The following CNTN5 variants were observed in gnomAD, a reference collection of about 807,000 sequenced individuals.
The protein encoded by CNTN5 is contactin 5.
CNTN5 carries 77 observed loss-of-function variants against 129.1 expected under a neutral mutation model. The ratio of observed to expected loss-of-function variants is 0.60; its 90% confidence interval spans 0.50 to 0.72. The LOEUF is 0.72. Among genes scored for constraint, CNTN5 ranks in the 30% least tolerant of loss-of-function variants. The pLI, the probability that CNTN5 is intolerant of heterozygous loss-of-function variation, is 0.00. For missense variants in CNTN5, 1,478 were observed against 1,328.8 expected, an observed-to-expected ratio of 1.11 and a Z score of -1.75; for synonymous variants, 509 against 465.6, an observed-to-expected ratio of 1.09 and a Z score of -1.20.
chr11:100,299,039 G>C (rs1013121481), intron 19 of CNTN5, 123 bp from the exon 20 acceptor site: 1 of 625,136 alleles, frequency 1.6e-6, no homozygotes, highest in Non-Finnish European at 2.7e-6. Flanking sequence ...TTCCAATGTA[G>C]TATAAAGATT....
chr11:99,375,234 C>G (rs1591593225), intron 2 of CNTN5, among the ~76,000 whole-genome samples: 2 of 125,580 alleles, frequency 1.6e-5, no homozygotes, highest in Non-Finnish European at 3.1e-5. Context: ...ATCCAGGAGG[C>G]AAAGGTTGCA....
intron 1 of CNTN5, among the ~76,000 whole-genome samples, chr11:99,166,273 G>C (rs572757643): frequency 5.9e-5 from 9 of 151,920 alleles, no homozygotes; most frequent in Non-Finnish European, 1.0e-4. Context: ...ATGGTGGCAC[G>C]CACCTGTAGT....
At chr11:99,846,571 A>C (rs1388051951) in intron 6 of CNTN5, among the ~76,000 whole-genome samples, 1 of 152,060 alleles carries the variant, frequency 6.6e-6, no homozygotes, top group Non-Finnish European at 1.5e-5. Context: ...GAGAAAGACT[A>C]GGAATCTTTA....
intron 13 of CNTN5, among the ~76,000 whole-genome samples, chr11:100,133,962 A>G (rs932764751): frequency 1.3e-5 from 2 of 152,184 alleles, no homozygotes; most frequent in Admixed American, 1.3e-4. Context: ...AAGAACCAGG[A>G]AAAGCAAAAG....
At chr11:99,103,398 C>A (rs1866833342) in intron 1 of CNTN5, among the ~76,000 whole-genome samples, 1 of 152,180 alleles carries the variant, frequency 6.6e-6, no homozygotes, top group African/African-American at 2.4e-5. Flanking sequence ...ATGCTGTTGC[C>A]TTTCCTTTAC....
At chr11:99,164,220 G>T (rs1024235506) in intron 1 of CNTN5, among the ~76,000 whole-genome samples, 1 of 151,348 alleles carries the variant, frequency 6.6e-6, no homozygotes, top group South Asian at 2.1e-4. Flanking sequence ...TAGCTAATCA[G>T]GAAGCTGAGG....
chr11:99,884,701 G>A (rs1187268098), intron 6 of CNTN5, among the ~76,000 whole-genome samples: 1 of 152,228 alleles, frequency 6.6e-6, no homozygotes, highest in Non-Finnish European at 1.5e-5. Flanking sequence ...AGAAGGCTGG[G>A]CACGGTGGCT....
rs1286925642 is a variant in CNTN5, at chr11:99,662,672, A to T, written c.55+106403A>T. Among the ~76,000 whole-genome samples, 3 of 152,226 alleles carry T rather than the reference A, an allele frequency of 2.0e-5. No homozygotes were observed. In the South Asian group the frequency reaches 6.2e-4, roughly 31 times the overall value. On this transcript the variant is annotated intron_variant, in intron 3 of 24. Transcript: ENST00000524871. ...TACTTCAGTGTGTGTATTTAGCATC[A>T]TTATATTCTAATTTTAGGAGCTCAA... is the stretch of plus-strand genomic sequence containing the variant.
intron 1 of CNTN5, among the ~76,000 whole-genome samples, chr11:99,098,554 T>C (rs1227113989): frequency 6.6e-6 from 1 of 152,096 alleles, no homozygotes; most frequent in African/African-American, 2.4e-5. Context: ...TTTCATCGTC[T>C]GACTTTTGGC....
At chr11:100,267,540 TA>T (rs1302237485) in intron 17 of CNTN5, among the ~76,000 whole-genome samples, 2 of 152,064 alleles carry the variant, frequency 1.3e-5, no homozygotes, top group African/African-American at 2.4e-5. Flanking sequence ...GCATGAATTT[TA>T]TAAGAGGTAT....
intron 3 of CNTN5, among the ~76,000 whole-genome samples, chr11:99,573,808 T>C (rs928977474): frequency 2.6e-5 from 4 of 152,006 alleles, no homozygotes; most frequent in Non-Finnish European, 5.9e-5. Flanking sequence ...GAAACCTTTC[T>C]AGAGCATATG....
chr11:99,097,095 G>A (rs953938976), intron 1 of CNTN5, among the ~76,000 whole-genome samples: 3 of 151,860 alleles, frequency 2.0e-5, no homozygotes, highest in Non-Finnish European at 4.4e-5. Flanking sequence ...TCTACACTGA[G>A]TTCACTTTTC....
chr11:99,971,645 T>A (rs769810354), intron 8 of CNTN5, among the ~76,000 whole-genome samples: 12 of 151,788 alleles, frequency 7.9e-5, no homozygotes, highest in Non-Finnish European at 1.5e-4. Flanking sequence ...TGCCAACACA[T>A]AGCTTCCCGT....
intron 2 of CNTN5, among the ~76,000 whole-genome samples, chr11:99,380,537 A>G (rs1377708508): frequency 6.6e-6 from 1 of 152,096 alleles, no homozygotes; most frequent in Non-Finnish European, 1.5e-5. Flanking sequence ...CGGGAGGCTG[A>G]GGTAGGTGGA....
chr11:99,354,421 G>A (rs1479425083), intron 2 of CNTN5, among the ~76,000 whole-genome samples: 1 of 152,098 alleles, frequency 6.6e-6, no homozygotes, highest in East Asian at 1.9e-4. Flanking sequence ...TTTTGAAGAA[G>A]TTCTTTAAGT....
intron 13 of CNTN5, among the ~76,000 whole-genome samples, chr11:100,121,104 A>G (rs1359664243): frequency 1.3e-5 from 2 of 151,966 alleles, no homozygotes; most frequent in Non-Finnish European, 2.9e-5. Flanking sequence ...TGAAGACCCA[A>G]CTCACTCAAT....
intron 3 of CNTN5, among the ~76,000 whole-genome samples, chr11:99,818,317 A>G (rs901697407): frequency 1.3e-5 from 2 of 151,666 alleles, no homozygotes; most frequent in Non-Finnish European, 2.9e-5. Context: ...GTACAGTGGC[A>G]TGATCGCAGC....
intron 3 of CNTN5, among the ~76,000 whole-genome samples, chr11:99,572,560 G>A (rs1949208770): frequency 6.6e-6 from 1 of 152,094 alleles, no homozygotes; most frequent in Non-Finnish European, 1.5e-5. Context: ...TTCATGTCAA[G>A]CCTGAACTTC....
chr11:99,065,540 G>T (rs1351474073), intron 1 of CNTN5, among the ~76,000 whole-genome samples: 3 of 152,108 alleles, frequency 2.0e-5, no homozygotes, highest in African/African-American at 7.2e-5. Flanking sequence ...AAAAGGAAAT[G>T]AATTATTTCA....
Sources: gnomAD v4.1 joint callset for allele counts (sites outside exome capture counted in the v4.1 genomes callset) on GRCh38, gnomAD v4.1.1 for gene constraint, MANE v1.5 for transcripts, NCBI Gene and HGNC (gene_info 2026-07-23, HGNC 2026-07-21) for gene names.